ANKRD44: variants seen among roughly 807,000 people sequenced by gnomAD.
The protein encoded by ANKRD44 is ankyrin repeat domain 44.
ANKRD44 carries 35 observed loss-of-function variants against 116.0 expected under a neutral mutation model. That is an observed-to-expected ratio of 0.30 (90% CI 0.23 to 0.40). ANKRD44 has a LOEUF of 0.40. Among genes scored for constraint, ANKRD44 ranks in the 10% least tolerant of loss-of-function variants. The probability of loss-of-function intolerance (pLI) is 1.00; values close to 1 mark genes in which losing one functional copy is unlikely to be tolerated. For synonymous variants in ANKRD44, 435 were observed against 461.8 expected (o/e 0.94, Z 0.74); for missense variants, 1,014 against 1,242.6 (o/e 0.82, Z 2.77).
At position 196,998,352 on chromosome 2, in the gene ANKRD44, A is replaced by G. The variant is rs1467562921; in HGVS notation, c.2733T>C (p.His911=). ...ATTTACATACTTTACTACAAGCCAA[A>G]TGTAAGGGTGTATTCAAGTCCTTAT... ...VKDKDLNTPL[H]LACSKGHEKC... Residue 911 remains histidine, a synonymous_variant, in exon 25 of 28, where the codon CAT becomes CAC. Transcript: ENST00000282272. 1.9e-6 allele frequency: 3 copies of G among 1,612,752 alleles called. No homozygotes were observed. In the African/African-American group the frequency reaches 4.0e-5, roughly 22 times the overall value.
At chr2:197,057,517 G>A (rs1025923116) in intron 16 of ANKRD44, among the ~76,000 whole-genome samples, 2 of 151,934 alleles carry the variant, frequency 1.3e-5, no homozygotes, top group Non-Finnish European at 2.9e-5. Flanking sequence ...TCTCCAGAAC[G>A]TTATAATCTT....
intron 9 of ANKRD44, among the ~76,000 whole-genome samples, chr2:197,104,327 G>C (rs546285037): frequency 6.6e-6 from 1 of 152,200 alleles, no homozygotes; most frequent in East Asian, 1.9e-4. Context: ...TGCCATGTTG[G>C]CCAGGCTGGT....
intron 1 of ANKRD44, among the ~76,000 whole-genome samples, chr2:197,291,302 C>A (rs2083563558): frequency 6.6e-6 from 1 of 152,068 alleles, no homozygotes; most frequent in African/African-American, 2.4e-5. Flanking sequence ...CTGAGGTCAG[C>A]AGTTCAAGAC....
chr2:197,075,936 G>A (rs1360816550), intron 16 of ANKRD44, among the ~76,000 whole-genome samples: 5 of 152,086 alleles, frequency 3.3e-5, no homozygotes, highest in South Asian at 4.2e-4. Context: ...AGGAGGAGGC[G>A]CCAAAGACAC....
At chr2:197,197,369 C>G (rs945794267) in intron 1 of ANKRD44, among the ~76,000 whole-genome samples, 1 of 152,162 alleles carries the variant, frequency 6.6e-6, no homozygotes, top group Non-Finnish European at 1.5e-5. Flanking sequence ...CAACCCAGTG[C>G]GTAGCTCCTT....
At chr2:197,178,515 C>G (rs1169288267) in intron 2 of ANKRD44, among the ~76,000 whole-genome samples, 3 of 151,810 alleles carry the variant, frequency 2.0e-5, no homozygotes, top group Non-Finnish European at 4.4e-5. Flanking sequence ...GACAGTATAT[C>G]ATTGTTTTAT....
At position 196,988,598 on chromosome 2, in the gene ANKRD44, G is replaced by A. The variant is rs947940227; in HGVS notation, c.*993C>T. The A allele has an allele frequency of 7.1e-6, 7 of 983,266 alleles. No homozygotes were observed. Among genetic ancestry groups the A allele is most frequent in the South Asian group, 4.7e-5 (1 of 21,238 alleles). The allele number at this position is 983,266 out of a possible 1,614,324, so 60.9% of individuals were successfully genotyped here. ...ATAGCTAGATGAAAAATATAATACA[G>A]TTATCTGTCTTTGATCCAGATATGA... On this transcript the variant is annotated 3_prime_UTR_variant, in exon 28 of 28. Coordinates refer to ENST00000282272, the MANE Select transcript of ANKRD44 (RefSeq NM_001195144.2).
intron 5 of ANKRD44, 68 bp from the exon 6 acceptor site, chr2:197,125,536 G>T: frequency 7.2e-7 from 1 of 1,380,820 alleles, no homozygotes; most frequent in Non-Finnish European, 1.0e-6. Flanking sequence ...ACTGCCTGCA[G>T]ATGATCTGAG....
rs577254588 is a variant in ANKRD44, at chr2:197,182,275, C to T, written c.111+4748G>A. On this transcript the variant is annotated intron_variant, in intron 2 of 27. Coordinates refer to ENST00000282272, the MANE Select transcript of ANKRD44 (RefSeq NM_001195144.2). ...AATGATCATCCCATATTTCCAGGCC[C>T]TGGTATGCCATTAACCACAGAAACC... is the stretch of plus-strand genomic sequence containing the variant. Among the ~76,000 whole-genome samples, 60 of 152,290 alleles carry T rather than the reference C, an allele frequency of 3.9e-4. No individual in the cohort carries two copies. The South Asian group carries it at 4.8e-3, about 12-fold the overall frequency.
intron 22 of ANKRD44, among the ~76,000 whole-genome samples, chr2:197,001,454 C>T (rs1294839001): frequency 1.3e-5 from 2 of 152,196 alleles, no homozygotes; most frequent in Non-Finnish European, 2.9e-5. Flanking sequence ...TAGAATTTGG[C>T]AGACAAATGT....
At chr2:197,258,253 G>A (rs1168077122) in intron 1 of ANKRD44, among the ~76,000 whole-genome samples, 2 of 139,544 alleles carry the variant, frequency 1.4e-5, no homozygotes, top group East Asian at 2.0e-4. Context: ...GGCATGTGCC[G>A]CCACACTTGG....
At chr2:197,020,799 G>GT (rs1345854194) in intron 17 of ANKRD44, among the ~76,000 whole-genome samples, 3 of 140,372 alleles carry the variant, frequency 2.1e-5, no homozygotes, top group African/African-American at 9.8e-5. Flanking sequence ...TATATATGGA[G>GT]TTTTTTATTA....
At chr2:197,276,648 TTTATA>T (rs1237301889) in intron 1 of ANKRD44, among the ~76,000 whole-genome samples, 3 of 152,218 alleles carry the variant, frequency 2.0e-5, no homozygotes, top group Non-Finnish European at 2.9e-5. Flanking sequence ...TTGTTTCTCC[TTTATA>T]TTATAATTAG....
intron 1 of ANKRD44, among the ~76,000 whole-genome samples, chr2:197,280,937 C>A (rs2083246128): frequency 1.3e-5 from 2 of 151,044 alleles, no homozygotes; most frequent in East Asian, 3.9e-4. Context: ...CAGTGGGGCC[C>A]AAAAAAGAAA....
At chr2:196,986,563 T>A (rs968466024), downstream of ANKRD44, 2 of 354,600 alleles carry the variant, frequency 5.6e-6, no homozygotes, top group Non-Finnish European at 7.9e-6. Flanking sequence ...TTTATCTTGA[T>A]TATTTTCTAA....
chr2:196,995,183 G>A (rs1342568013), intron 26 of ANKRD44, 196 bp downstream of exon 26: 7 of 364,828 alleles, frequency 1.9e-5, no homozygotes, highest in Non-Finnish European at 3.4e-5. Context: ...ATCAAAAGAA[G>A]GATTCTAACT....
chr2:197,285,523 T>G (rs939962238), intron 1 of ANKRD44, among the ~76,000 whole-genome samples: 1 of 152,186 alleles, frequency 6.6e-6, no homozygotes, highest in African/African-American at 2.4e-5. Context: ...GAGGAGTCAC[T>G]CCATTTTCTC....
At chr2:197,123,791 G>T (rs954324581) in intron 6 of ANKRD44, among the ~76,000 whole-genome samples, 1 of 152,066 alleles carries the variant, frequency 6.6e-6, no homozygotes, top group African/African-American at 2.4e-5. Flanking sequence ...GTGTTGGGGT[G>T]GGGGGAAAGT....
Position 197,030,956 on chromosome 2 carries a change from G to A in ANKRD44, c.1651-5689C>T, listed in dbSNP as rs368434386. ...CTCCCAAAGTGCTAGGACTACAAGT[G>A]TGAGCCACCATACCTAGCCCATAAT... On this transcript the variant is annotated intron_variant, in intron 16 of 27. Transcript: ENST00000282272. Among the ~76,000 whole-genome samples, 383 of 152,156 alleles carry A rather than the reference G, an allele frequency of 2.5e-3. 2 individuals carry two copies. The highest frequency in any genetic ancestry group is 0.018 in the South Asian group (87 of 4,806).
Sources: gnomAD v4.1 joint callset for allele counts (sites outside exome capture counted in the v4.1 genomes callset) on GRCh38, gnomAD v4.1.1 for gene constraint, MANE v1.5 for transcripts, NCBI Gene and HGNC (gene_info 2026-07-23, HGNC 2026-07-21) for gene names.